The following RUBCNL variants were observed in gnomAD, a reference collection of about 807,000 sequenced individuals.
RUBCNL encodes the protein protein associated with UVRAG as autophagy enhancer.
A neutral mutation model predicts 69.5 loss-of-function variants in RUBCNL; 62 were observed. That is an observed-to-expected ratio of 0.89 (90% CI 0.73 to 1.10). The LOEUF is 1.10. RUBCNL is among the 50% of genes least tolerant of loss of function. The pLI is 0.00. For missense variants in RUBCNL, 768 were observed against 798.1 expected (o/e 0.96, Z 0.45); for synonymous variants, 291 against 303.6 (o/e 0.96, Z 0.43).
chr13:46,338,822 C>T lies in RUBCNL; in HGVS notation c.*4563G>A, dbSNP rs908009766. ...CTGTAATCCAAGCACTTTGGGAGGC[C>T]GAGGCGGGTAGATCACTTCTGAGAC... On this transcript the variant is annotated 3_prime_UTR_variant, in exon 15 of 15. Transcript: ENST00000429979. Among the ~76,000 whole-genome samples the T allele has an allele frequency of 4.6e-5, 7 of 151,814 alleles. No individual in the cohort carries two copies. Among genetic ancestry groups the T allele is most frequent in the Admixed American group, 6.6e-5 (1 of 15,234 alleles).
At chr13:46,347,885 T>C (rs971195109) in intron 12 of RUBCNL, among the ~76,000 whole-genome samples, 2 of 151,918 alleles carry the variant, frequency 1.3e-5, no homozygotes, top group Non-Finnish European at 2.9e-5. Context: ...CCCAGCTACT[T>C]GGGAGGCTGA....
At position 46,339,388 on chromosome 13, in the gene RUBCNL, GC is replaced by G. The variant is rs2048125328; in HGVS notation, c.*3996del. On this transcript the variant is annotated 3_prime_UTR_variant, in exon 15 of 15. Transcript: ENST00000429979. The stretch of plus-strand genomic sequence containing the variant: ...AAATGACACACTTCACCCTCCTTTG[GC>G]GATGAGTTCAGGAAGGCTTCCTGCA... Among the ~76,000 whole-genome samples the G allele has an allele frequency of 6.6e-6, 1 of 152,134 alleles. No individual in the cohort carries two copies. The highest frequency in any genetic ancestry group is 2.4e-5 in the African/African-American group (1 of 41,420).
In RUBCNL at chr13:46,339,107, T is replaced by C. The variant is rs895950256; in HGVS notation, c.*4278A>G. ...ATTTGCTTAACCTATGTGGTTAAGC[T>C]CTTCAATCCTCAGTCCCCTTGGCTT... On this transcript the variant is annotated 3_prime_UTR_variant, in exon 15 of 15. Coordinates refer to ENST00000429979, the MANE Select transcript of RUBCNL (RefSeq NM_025113.5). Among the ~76,000 whole-genome samples, 15 of 151,564 alleles carry C rather than the reference T, an allele frequency of 9.9e-5. No individual in the cohort carries two copies. Among genetic ancestry groups the C allele is most frequent in the Non-Finnish European group, 8.8e-5 (6 of 67,952 alleles).
chr13:46,352,905 T>A, intron 10 of RUBCNL, among the ~76,000 whole-genome samples: 1 of 152,248 alleles, frequency 6.6e-6, no homozygotes, highest in Admixed American at 6.5e-5. Context: ...ATCAGTTAAA[T>A]GTTTTACATT....
In RUBCNL at chr13:46,337,930, GTC is replaced by G. The variant is rs1370010397; in HGVS notation, c.*5453_*5454del. On this transcript the variant is annotated 3_prime_UTR_variant, in exon 15 of 15. Transcript: ENST00000429979. ...GCTGCAGGAGCAAAGGGAGAATAAA[GTC>G]TCTCTCATAGCTTCCAAGAGACTTT... 6.6e-6 allele frequency among the ~76,000 whole-genome samples: 1 copy of G among 152,214 alleles called. No individual in the cohort carries two copies. Among genetic ancestry groups the G allele is most frequent in the African/African-American group, 2.4e-5 (1 of 41,472 alleles).
At position 46,362,589 on chromosome 13, in the gene RUBCNL, T is replaced by A; in HGVS notation, c.935A>T (p.Asp312Val). 6.2e-7 allele frequency: 1 copy of A among 1,606,870 alleles called. No individual in the cohort carries two copies. The highest frequency in any genetic ancestry group is 8.5e-7 in the Non-Finnish European group (1 of 1,176,456). Residue 312 changes from aspartate (D) to valine (V), a missense_variant, in exon 7 of 15, where the codon GAT becomes GTT. Asp to Val is a radical substitution (Grantham distance 152, BLOSUM62 -3). Transcript: ENST00000429979. The part of the protein sequence containing the change: ...VDEFVILELG[D>V]FNDITETCSC... ...ACAGGTTTCTGTGATATCATTAAAA[T>A]CTCCAAGCTCTGTGGGAAAATAAAA...
intron 4 of RUBCNL, 117 bp from the exon 5 acceptor site, chr13:46,368,366 A>G: frequency 2.1e-6 from 3 of 1,408,594 alleles, no homozygotes; most frequent in South Asian, 2.9e-5. Flanking sequence ...ATCAGTATAA[A>G]TATTCATTTA....
intron 12 of RUBCNL, among the ~76,000 whole-genome samples, chr13:46,347,110 A>AGC (rs1369040657): frequency 2.6e-5 from 4 of 152,242 alleles, no homozygotes; most frequent in African/African-American, 4.8e-5. Flanking sequence ...ACCTCTTAAT[A>AGC]GACTTTTAAT....
chr13:46,367,083 A>C (rs2048773491), intron 5 of RUBCNL, among the ~76,000 whole-genome samples: 2 of 152,216 alleles, frequency 1.3e-5, no homozygotes, highest in African/African-American at 2.4e-5. Context: ...GACTTAAGAA[A>C]TGGTAAGAAA....
At chr13:46,362,314 G>A (rs1230225124) in intron 7 of RUBCNL, among the ~76,000 whole-genome samples, 1 of 152,142 alleles carries the variant, frequency 6.6e-6, no homozygotes, top group Non-Finnish European at 1.5e-5. Context: ...TAACTGAAAT[G>A]AGGATTAAAT....
At chr13:46,380,517 T>C (rs2049095491) in intron 1 of RUBCNL, among the ~76,000 whole-genome samples, 2 of 152,206 alleles carry the variant, frequency 1.3e-5, no homozygotes, top group Admixed American at 1.3e-4. Context: ...GGGCTGAAAT[T>C]AGCAGGCTAT....
intron 12 of RUBCNL, among the ~76,000 whole-genome samples, chr13:46,347,793 C>A (rs1463881107): frequency 6.6e-6 from 1 of 152,082 alleles, no homozygotes; most frequent in Non-Finnish European, 1.5e-5. Flanking sequence ...AGATCGAGAC[C>A]ATCCTGGCTA....
rs1362922357 is a variant in RUBCNL, at chr13:46,336,788, T to C, written c.*6597A>G. On this transcript the variant is annotated 3_prime_UTR_variant, in exon 15 of 15. Coordinates refer to ENST00000429979, the MANE Select transcript of RUBCNL (RefSeq NM_025113.5). ...ATGGCAAACATTAAAAACTGTTCTTTCAAAAATGTTGCTGTGAAGAAGATC... is the reference window on the plus strand; with the variant it reads ...ATGGCAAACATTAAAAACTGTTCTTCCAAAAATGTTGCTGTGAAGAAGATC... Among the ~76,000 whole-genome samples, 1 of 152,084 alleles carries C rather than the reference T, an allele frequency of 6.6e-6. No homozygotes were observed. The highest frequency in any genetic ancestry group is 2.4e-5 in the African/African-American group (1 of 41,394).
upstream of RUBCNL, chr13:46,387,867 G>T: frequency 1.0e-6 from 1 of 985,290 alleles, no homozygotes; most frequent in Non-Finnish European, 1.2e-6. Flanking sequence ...GATCATGGTG[G>T]TGCTAGGAGA....
upstream of RUBCNL, among the ~76,000 whole-genome samples, chr13:46,388,072 C>G (rs1004315884): frequency 7.9e-5 from 12 of 151,540 alleles, no homozygotes; most frequent in Non-Finnish European, 1.3e-4. Context: ...ATTAGCCGAG[C>G]GTGGTGGCGG....
rs748286159 is a variant in RUBCNL, at chr13:46,372,221, G to C, written c.255C>G (p.Ala85=). 1.5e-5 allele frequency: 25 copies of C among 1,613,866 alleles called. No individual in the cohort carries two copies. Among genetic ancestry groups the C allele is most frequent in the Non-Finnish European group, 2.0e-5 (24 of 1,179,896 alleles). The change falls in exon 3 of 15, where the codon GCC becomes GCG. Residue 85 remains alanine (A), a synonymous_variant. Coordinates refer to ENST00000429979, the MANE Select transcript of RUBCNL (RefSeq NM_025113.5). ...ACGAAGGTGAAGGGCCTGAGGGAGA[G>C]GCAGCATCTGTCACAAAATGGGTCC... ...NSGTHFVTDA[A]SPSGPSPSCL...
At position 46,350,334 on chromosome 13, in the gene RUBCNL, G is replaced by C. The variant is rs774582818; in HGVS notation, c.1348C>G (p.Arg450Gly). 2 of 1,543,730 alleles carry C rather than the reference G, an allele frequency of 1.3e-6. No individual in the cohort carries two copies. Among genetic ancestry groups the C allele is most frequent in the South Asian group, 2.4e-5 (2 of 84,348 alleles). The change falls in exon 11 of 15, where the codon CGG becomes GGG. Residue 450 changes from arginine to glycine, a missense_variant. Transcript: ENST00000429979. ...PVEPKFVKRL[R>G]YCEYLGKYFC... Reference sequence around the variant, plus strand: ...TACTTCCCTAGGTATTCGCAGTACCGGAGCCGCTTCACAAACTCTGCCAAG... The same window carrying C: ...TACTTCCCTAGGTATTCGCAGTACCCGAGCCGCTTCACAAACTCTGCCAAG...
intron 2 of RUBCNL, among the ~76,000 whole-genome samples, chr13:46,377,482 T>G (rs2049020300): frequency 6.6e-6 from 1 of 152,238 alleles, no homozygotes; most frequent in African/African-American, 2.4e-5. Context: ...CAGGTTGGTC[T>G]CAAACTCCTG....
chr13:46,354,754 T>G (rs781601518), intron 10 of RUBCNL: 18 of 456,562 alleles, frequency 3.9e-5, no homozygotes, highest in African/African-American at 3.4e-4. Flanking sequence ...TTGTGTTACA[T>G]ACACTTACTT....
Sources: gnomAD v4.1 joint callset for allele counts (sites outside exome capture counted in the v4.1 genomes callset) on GRCh38, gnomAD v4.1.1 for gene constraint, MANE v1.5 for transcripts, NCBI Gene and HGNC (gene_info 2026-07-23, HGNC 2026-07-21) for gene names.